Variants in FNBP1L observed in about 807,000 individuals in gnomAD.
FNBP1L encodes formin-binding protein 1-like.
A neutral mutation model predicts 91.2 loss-of-function variants in FNBP1L; 36 were observed. The ratio of observed to expected loss-of-function variants is 0.39; its 90% CI spans 0.30 to 0.52. The LOEUF (loss-of-function observed/expected upper bound fraction) is 0.52. FNBP1L is among the 20% of genes least tolerant of loss of function. The probability of loss-of-function intolerance (pLI) is 0.66; values close to 1 mark genes in which losing one functional copy is unlikely to be tolerated. For missense variants in FNBP1L, 571 were observed against 732.1 expected (o/e 0.78, Z 2.54); for synonymous variants, 242 against 237.0 (o/e 1.02, Z -0.19).
At chr1:93,457,241 TC>T (rs1668702223) in intron 1 of FNBP1L, among the ~76,000 whole-genome samples, 1 of 152,212 alleles carries the variant, frequency 6.6e-6, no homozygotes, top group Non-Finnish European at 1.5e-5. Flanking sequence ...TTTTAAAATT[TC>T]ATATAAATGA....
chr1:93,529,507 G>C (rs1333190030), intron 5 of FNBP1L, 145 bp from the exon 6 acceptor site: 16 of 501,820 alleles, frequency 3.2e-5, no homozygotes, highest in Middle Eastern at 5.1e-4. Flanking sequence ...TTGTTACATA[G>C]GTATACATGT....
intron 2 of FNBP1L, among the ~76,000 whole-genome samples, chr1:93,504,483 A>G (rs1670540849): frequency 6.6e-6 from 1 of 152,170 alleles, no homozygotes. Context: ...TGTCTCGGGT[A>G]TGTCTTTATC....
chr1:93,530,662 T>G, intron 6 of FNBP1L, 93 bp from the exon 7 acceptor site: 1 of 1,399,106 alleles, frequency 7.1e-7, no homozygotes, highest in South Asian at 1.4e-5. Context: ...TGTTGGCTTC[T>G]TCATTGATAA....
intron 8 of FNBP1L, among the ~76,000 whole-genome samples, chr1:93,534,425 C>T (rs553927798): frequency 5.9e-5 from 9 of 152,100 alleles, no homozygotes; most frequent in Non-Finnish European, 1.0e-4. Flanking sequence ...GCTAAGTAGT[C>T]TTCAGATGAA....
chr1:93,531,142 A>G (rs1671664889), intron 7 of FNBP1L, among the ~76,000 whole-genome samples: 2 of 152,234 alleles, frequency 1.3e-5, no homozygotes, highest in African/African-American at 4.8e-5. Flanking sequence ...TACTTTAAGT[A>G]TTTTGACATG....
At chr1:93,507,799 C>T (rs1009270365) in intron 2 of FNBP1L, among the ~76,000 whole-genome samples, 5 of 152,006 alleles carry the variant, frequency 3.3e-5, no homozygotes, top group Non-Finnish European at 7.4e-5. Flanking sequence ...TAGGTGTACA[C>T]CACCGCATCT....
intron 2 of FNBP1L, among the ~76,000 whole-genome samples, chr1:93,501,383 G>A (rs2101726743): frequency 6.6e-6 from 1 of 152,260 alleles, no homozygotes; most frequent in Middle Eastern, 3.4e-3. Context: ...TAAGTTCAAA[G>A]GCATGCCCCC....
intron 1 of FNBP1L, among the ~76,000 whole-genome samples, chr1:93,451,366 A>G (rs1206083663): frequency 6.6e-6 from 1 of 152,160 alleles, no homozygotes; most frequent in African/African-American, 2.4e-5. Flanking sequence ...TTGAGGACCT[A>G]GTTAAAGTTC....
At chr1:93,455,735 T>C (rs552487352) in intron 1 of FNBP1L, among the ~76,000 whole-genome samples, 2 of 152,350 alleles carry the variant, frequency 1.3e-5, no homozygotes, top group African/African-American at 2.4e-5. Context: ...ATTTGAAATA[T>C]CACCTTCTAA....
chr1:93,516,164 G>C (rs1430559527), intron 2 of FNBP1L, among the ~76,000 whole-genome samples: 5 of 151,842 alleles, frequency 3.3e-5, no homozygotes, highest in African/African-American at 1.2e-4. Context: ...AGAGCATTGT[G>C]GGATTAAAGG....
At chr1:93,505,132 A>G (rs1670566915) in intron 2 of FNBP1L, among the ~76,000 whole-genome samples, 1 of 125,998 alleles carries the variant, frequency 7.9e-6, no homozygotes, top group Non-Finnish European at 1.6e-5. Flanking sequence ...TTTTTTTGAG[A>G]CAGAGTCTCA....
At chr1:93,502,761 A>G (rs912017230) in intron 2 of FNBP1L, among the ~76,000 whole-genome samples, 1 of 152,212 alleles carries the variant, frequency 6.6e-6, no homozygotes, top group African/African-American at 2.4e-5. Flanking sequence ...TTCCATTCTA[A>G]GGATGATTCT....
chr1:93,543,830 A>T (rs978141832), intron 11 of FNBP1L: 9 of 211,990 alleles, frequency 4.2e-5, no homozygotes, highest in Non-Finnish European at 8.6e-5. Context: ...GATACTACCT[A>T]CCAGTTATCT....
chr1:93,540,529 C>G (rs183948705), intron 10 of FNBP1L, among the ~76,000 whole-genome samples: 28 of 152,048 alleles, frequency 1.8e-4, no homozygotes. Context: ...AAATGTTACC[C>G]TCATCTAACC....
intron 2 of FNBP1L, among the ~76,000 whole-genome samples, chr1:93,499,976 TAG>T (rs1670391145): frequency 6.6e-6 from 1 of 152,180 alleles, no homozygotes; most frequent in African/African-American, 2.4e-5. Flanking sequence ...GACTTGGAAA[TAG>T]AGTGTGTGCT....
intron 10 of FNBP1L, among the ~76,000 whole-genome samples, chr1:93,537,132 TACTC>T (rs999721463): frequency 2.0e-5 from 3 of 152,082 alleles, no homozygotes; most frequent in African/African-American, 4.8e-5. Flanking sequence ...ACATTAGTGT[TACTC>T]TATTTAATGT....
intron 1 of FNBP1L, among the ~76,000 whole-genome samples, chr1:93,468,690 C>T (rs1017447843): frequency 1.3e-5 from 2 of 152,170 alleles, no homozygotes; most frequent in African/African-American, 4.8e-5. Context: ...CTCGGCCTCT[C>T]AAAGTGCTAG....
rs1167744418 is a variant in FNBP1L at position 93,448,238 on chromosome 1, G to A, written c.-44G>A. 3.9e-6 allele frequency: 6 copies of A among 1,521,230 alleles called. No homozygotes were observed. Among genetic ancestry groups the A allele is most frequent in the Non-Finnish European group, 4.4e-6 (5 of 1,134,160 alleles). 94.2% of individuals were successfully genotyped at this position (1,521,230 alleles called of 1,614,324 possible). A position where few individuals can be genotyped will look rare whatever the true frequency, so the allele number is the denominator to read the frequency against. ...GGTCGGACAGACTGTGGAGCCGACAGACTGAAGGACAGCGGCACCGCCAGA... is the reference window on the plus strand; with the variant it reads ...GGTCGGACAGACTGTGGAGCCGACAAACTGAAGGACAGCGGCACCGCCAGA... On this transcript the variant is annotated 5_prime_UTR_variant, in exon 1 of 17. Transcript: ENST00000271234.
chr1:93,515,978 T>C (rs1671090690), intron 2 of FNBP1L, among the ~76,000 whole-genome samples: 1 of 152,208 alleles, frequency 6.6e-6, no homozygotes, highest in Non-Finnish European at 1.5e-5. Context: ...TCTATGAGTC[T>C]CATCATCTGA....
Sources: allele counts gnomAD v4.1 joint callset (sites outside exome capture counted in the v4.1 genomes callset), GRCh38; gene constraint gnomAD v4.1.1; transcripts MANE v1.5; gene names NCBI Gene and HGNC (gene_info 2026-07-23, HGNC 2026-07-21).